The following PRKAR1A variants were observed in gnomAD, a reference collection of about 807,000 sequenced individuals.
PRKAR1A encodes the protein protein kinase cAMP-dependent type I regulatory subunit alpha, also known as cAMP-dependent protein kinase type I-alpha regulatory subunit.
PRKAR1A carries 3 observed loss-of-function variants against 52.0 expected under a neutral mutation model. That is an observed-to-expected ratio of 0.06 (90% CI 0.03 to 0.15). The LOEUF (loss-of-function observed/expected upper bound fraction) is 0.15. Among genes scored for constraint, PRKAR1A ranks in the 10% least tolerant of loss-of-function variants. The pLI, the probability that PRKAR1A is intolerant of heterozygous loss-of-function variation, is 1.00. For missense variants in PRKAR1A, 240 were observed against 477.4 expected (o/e 0.50, Z 4.63); for synonymous variants, 188 against 168.4 (o/e 1.12, Z -0.90).
chr17:68,542,620 T>C, intron 11 of PRKAR1A: 1 of 1,152,702 alleles, frequency 8.7e-7, no homozygotes, highest in Non-Finnish European at 1.3e-6. Flanking sequence ...GTCAGGCCAC[T>C]GATGAATGGA....
chr17:68,536,937 G>T (rs1317147761), downstream of PRKAR1A: 6 of 454,252 alleles, frequency 1.3e-5, no homozygotes, highest in Non-Finnish European at 2.6e-5. Context: ...TACTGATTCA[G>T]ATGGGTCCAG....
At chr17:68,525,268 G>A (rs948052080) in intron 6 of PRKAR1A, among the ~76,000 whole-genome samples, 1 of 148,824 alleles carries the variant, frequency 6.7e-6, no homozygotes, top group Non-Finnish European at 1.5e-5. Flanking sequence ...ACCAGCCTGG[G>A]CAACAAAGTG....
chr17:68,441,941 C>T, the PRKAR1A span, among the ~76,000 whole-genome samples: 2 of 152,292 alleles, frequency 1.3e-5, no homozygotes, highest in African/African-American at 2.4e-5. Flanking sequence ...TGGATCCTTT[C>T]ATAAGGAGGC....
chr17:68,436,134 GC>G, the PRKAR1A span, among the ~76,000 whole-genome samples: 2 of 152,212 alleles, frequency 1.3e-5, no homozygotes, highest in East Asian at 3.8e-4. Context: ...GAGACAACTG[GC>G]CCCCTGCTGG....
At chr17:68,452,932 C>G in the PRKAR1A span, 1 of 1,614,048 alleles carries the variant, frequency 6.2e-7, no homozygotes. Flanking sequence ...CTTGATCCAG[C>G]TGCTCCACAG....
upstream of PRKAR1A, among the ~76,000 whole-genome samples, chr17:68,508,920 A>G (rs1205094722): frequency 6.6e-6 from 1 of 152,108 alleles, no homozygotes; most frequent in African/African-American, 2.4e-5. Context: ...TGAAACCACA[A>G]CTTTGGGTCT....
the PRKAR1A span, among the ~76,000 whole-genome samples, chr17:68,425,386 T>C: frequency 2.1e-5 from 2 of 93,518 alleles, no homozygotes; most frequent in South Asian, 3.6e-4. Flanking sequence ...TCTTTTCTTT[T>C]TTTTTTTTTT....
chr17:68,510,188 A>AGAGAGAGAGAGAGAGAGAGAGAGG (rs1568683097), upstream of PRKAR1A, among the ~76,000 whole-genome samples: 17 of 151,602 alleles, frequency 1.1e-4, no homozygotes, highest in African/African-American at 3.6e-4. Context: ...AGAGAGAGAG[A>AGAGAGAGAGAGAGAGAGAGAGAGG]GAGAGAGATC....
chr17:68,463,177 G>A, the PRKAR1A span, among the ~76,000 whole-genome samples: 7 of 152,172 alleles, frequency 4.6e-5, no homozygotes, highest in African/African-American at 1.2e-4. Context: ...CTAGTGGTCT[G>A]TATGATTTAG....
At chr17:68,426,284 GCTGT>G in the PRKAR1A span, 5 of 845,270 alleles carry the variant, frequency 5.9e-6, no homozygotes, top group Middle Eastern at 3.4e-4. Flanking sequence ...AAGCAAAGGG[GCTGT>G]CTGTCTTCCC....
intron 1 of PRKAR1A, among the ~76,000 whole-genome samples, chr17:68,514,146 C>G (rs1420747288): frequency 6.6e-6 from 1 of 152,142 alleles, no homozygotes; most frequent in Non-Finnish European, 1.5e-5. Flanking sequence ...CTTGGAGCCA[C>G]GAACTTTCTA....
At chr17:68,518,049 C>T (rs1190604133) in intron 2 of PRKAR1A, among the ~76,000 whole-genome samples, 1 of 152,272 alleles carries the variant, frequency 6.6e-6, no homozygotes, top group East Asian at 1.9e-4. Flanking sequence ...GTCTCACATT[C>T]AGGGCACACT....
the PRKAR1A span, among the ~76,000 whole-genome samples, chr17:68,457,795 C>T: frequency 6.6e-6 from 1 of 152,182 alleles, no homozygotes; most frequent in South Asian, 2.1e-4. Flanking sequence ...CCCCTGGCTT[C>T]GTAACGCGGC....
In PRKAR1A at chr17:68,533,120, G is replaced by A. The variant is rs2086021318; in HGVS notation, c.*2671G>A. The stretch of plus-strand genomic sequence containing the variant: ...CATTTCTAGATTAGCATACTCTTTG[G>A]TTTAAATTTAATATATACATTTAAT... On this transcript the variant is annotated 3_prime_UTR_variant, in exon 11 of 11. Coordinates refer to ENST00000589228, the MANE Select transcript of PRKAR1A (RefSeq NM_002734.5). The A allele has an allele frequency of 9.4e-7, 1 of 1,063,496 alleles. No homozygotes were observed. Among genetic ancestry groups the A allele is most frequent in the South Asian group, 4.6e-5 (1 of 21,962 alleles). 65.9% of individuals were successfully genotyped at this position (1,063,496 alleles called of 1,614,324 possible).
chr17:68,537,917 C>A, downstream of PRKAR1A, among the ~76,000 whole-genome samples: 1 of 152,140 alleles, frequency 6.6e-6, no homozygotes, highest in East Asian at 1.9e-4. This position sits in a 1 kb window ranked among gnomAD's most constrained non-coding sequence, Gnocchi z 4.2. Flanking sequence ...AGGCAAAATC[C>A]AGTATCCTGC....
chr17:68,458,073 C>T, the PRKAR1A span, among the ~76,000 whole-genome samples: 5 of 152,182 alleles, frequency 3.3e-5, no homozygotes, highest in Non-Finnish European at 5.9e-5. Flanking sequence ...TCCAAAGCCC[C>T]ACCCTTTTGT....
chr17:68,513,701 TTTA>T (rs2085343220), intron 1 of PRKAR1A, among the ~76,000 whole-genome samples: 1 of 152,216 alleles, frequency 6.6e-6, no homozygotes, highest in African/African-American at 2.4e-5. Context: ...TATTCAGGGA[TTTA>T]CATGGTGACT....
chr17:68,436,738 C>T, the PRKAR1A span, among the ~76,000 whole-genome samples: 1 of 152,230 alleles, frequency 6.6e-6, no homozygotes, highest in Non-Finnish European at 1.5e-5. Context: ...GGCACAGTGG[C>T]TCATGCCTGT....
the PRKAR1A span, chr17:68,424,696 T>C: frequency 5.9e-6 from 2 of 341,756 alleles, no homozygotes; most frequent in Non-Finnish European, 1.2e-5. Context: ...ACCAACATGG[T>C]GAAACCCCGT....
Sources: allele counts gnomAD v4.1 joint callset (sites outside exome capture counted in the v4.1 genomes callset), GRCh38; gene constraint gnomAD v4.1.1; non-coding constraint Gnocchi (gnomAD v3.1); transcripts MANE v1.5; gene names NCBI Gene and HGNC (gene_info 2026-07-23, HGNC 2026-07-21).